IL1RAP: variants seen among roughly 807,000 people sequenced by gnomAD.
IL1RAP encodes the protein interleukin 1 receptor accessory protein, also known as interleukin-1 receptor accessory protein.
In IL1RAP, 35 loss-of-function variants were observed where a neutral mutation model predicts 60.7. The ratio of observed to expected loss-of-function variants is 0.58; its 90% CI spans 0.44 to 0.76. The LOEUF (loss-of-function observed/expected upper bound fraction) is 0.76. Ranked by LOEUF, IL1RAP falls within the 30% of genes least tolerant of loss-of-function variation. The pLI, the probability that IL1RAP is intolerant of heterozygous loss-of-function variation, is 0.00. For missense variants in IL1RAP, 572 were observed against 693.9 expected (o/e 0.82, Z 1.97); for synonymous variants, 268 against 250.9 (o/e 1.07, Z -0.64).
intron 3 of IL1RAP, among the ~76,000 whole-genome samples, chr3:190,581,678 C>A (rs945238053): frequency 6.6e-6 from 1 of 152,300 alleles, no homozygotes; most frequent in Non-Finnish European, 1.5e-5. Flanking sequence ...CTGGTTTTGA[C>A]GACTCTAAAT....
At position 190,572,863 on chromosome 3, in the gene IL1RAP, T is replaced by G. The variant is rs1177801406; in HGVS notation, c.64+8510T>G. Among the ~76,000 whole-genome samples the G allele has an allele frequency of 1.8e-4, 5 of 27,668 alleles. 2 individuals carry two copies. The highest frequency in any genetic ancestry group is 3.8e-4 in the African/African-American group (2 of 5,294). 18.2% of individuals were successfully genotyped at this position (27,668 alleles called of 152,430 possible). A position where few individuals can be genotyped will look rare whatever the true frequency, so the allele number is the denominator to read the frequency against. On this transcript the variant is annotated intron_variant, in intron 3 of 11. Transcript: ENST00000447382. ...CATGTCCAGGGTTAATGCTTTGTTT[T>G]TTTTTTTTTTTTTTTTTTGAGACGG...
intron 1 of IL1RAP, among the ~76,000 whole-genome samples, chr3:190,542,925 G>A (rs2108567615): frequency 7.4e-6 from 1 of 135,772 alleles, no homozygotes; most frequent in East Asian, 2.2e-4. Flanking sequence ...GCTCAGGGGA[G>A]TTCACCCTAG....
intron 3 of IL1RAP, among the ~76,000 whole-genome samples, chr3:190,577,019 T>G (rs371949863): frequency 3.4e-4 from 49 of 143,810 alleles, no homozygotes; most frequent in Non-Finnish European, 4.8e-4. Context: ...GAGAATGGCG[T>G]GAACCCGGGA....
chr3:190,651,361 ACAT>A lies in IL1RAP; in HGVS notation c.*2660_*2662del. 2.3e-6 allele frequency: 2 copies of A among 866,102 alleles called. No homozygotes were observed. Among genetic ancestry groups the A allele is most frequent in the South Asian group, 1.1e-4 (2 of 18,754 alleles). 53.7% of individuals were successfully genotyped at this position (866,102 alleles called of 1,614,324 possible). On this transcript the variant is annotated 3_prime_UTR_variant, in exon 12 of 12. Coordinates refer to ENST00000447382, the MANE Select transcript of IL1RAP (RefSeq NM_002182.4). ...CACTTCATTGTATTTGGAAACAAAA[ACAT>A]CATTCATTAATTACTTATTTTCTTT...
intron 10 of IL1RAP, 51 bp from the exon 11 acceptor site, chr3:190,645,648 G>A (rs1733962768): frequency 7.1e-7 from 1 of 1,414,334 alleles, no homozygotes; most frequent in East Asian, 2.3e-5. Context: ...AAAATGTAAT[G>A]GTATTGAGAA....
At chr3:190,553,659 G>A (rs1158271007) in intron 1 of IL1RAP, among the ~76,000 whole-genome samples, 3 of 152,212 alleles carry the variant, frequency 2.0e-5, no homozygotes, top group Admixed American at 6.5e-5. Context: ...AAAAGGCCAA[G>A]GAAAGGCTGG....
Position 190,588,643 on chromosome 3 carries a change from C to T in IL1RAP, c.65-15485C>T, listed in dbSNP as rs146325135. Reference sequence around the variant, plus strand: ...CTTCAAATGACTGTGAGTTATTTTCCTGGTCTTTCATCTATTTTTCTAAAT... The same window carrying T: ...CTTCAAATGACTGTGAGTTATTTTCTTGGTCTTTCATCTATTTTTCTAAAT... On this transcript the variant is annotated intron_variant, in intron 3 of 11. Transcript: ENST00000447382. 4.5e-3 allele frequency among the ~76,000 whole-genome samples: 680 copies of T among 152,272 alleles called. 7 individuals are homozygous for T. The highest frequency in any genetic ancestry group is 0.016 in the African/African-American group (654 of 41,558).
intron 4 of IL1RAP, among the ~76,000 whole-genome samples, chr3:190,607,785 G>A (rs933073330): frequency 6.6e-6 from 1 of 152,160 alleles, no homozygotes; most frequent in Non-Finnish European, 1.5e-5. Context: ...AACTTGGAAT[G>A]ATTGTACCAC....
intron 1 of IL1RAP, among the ~76,000 whole-genome samples, chr3:190,554,270 A>G (rs1339934059): frequency 6.6e-6 from 1 of 150,682 alleles, no homozygotes; most frequent in Non-Finnish European, 1.5e-5. Context: ...GGCAAAAAGG[A>G]AAAAAAAAGG....
chr3:190,590,507 G>A (rs1443550274), intron 3 of IL1RAP, among the ~76,000 whole-genome samples: 2 of 152,096 alleles, frequency 1.3e-5, no homozygotes, highest in Middle Eastern at 3.4e-3. Flanking sequence ...TGCCCGCCTC[G>A]GCCTCCCAAA....
At chr3:190,634,555 T>G (rs1439118220) in intron 9 of IL1RAP, among the ~76,000 whole-genome samples, 1 of 152,152 alleles carries the variant, frequency 6.6e-6, no homozygotes, top group African/African-American at 2.4e-5. Flanking sequence ...ATTCTTTTCT[T>G]GTAATGCTGT....
At chr3:190,615,745 C>CT (rs1027733499) in intron 5 of IL1RAP, among the ~76,000 whole-genome samples, 3 of 152,188 alleles carry the variant, frequency 2.0e-5, no homozygotes, top group African/African-American at 7.2e-5. Context: ...TTTTTTATAA[C>CT]TATCTCTTAG....
intron 1 of IL1RAP, among the ~76,000 whole-genome samples, chr3:190,527,826 T>TACACACACACACACACAC (rs10602405): frequency 1.4e-5 from 2 of 139,622 alleles, no homozygotes; most frequent in Non-Finnish European, 3.1e-5. Flanking sequence ...AGGAAAGGTC[T>TACACACACACACACACAC]ACACACACAC....
At chr3:190,620,956 A>G (rs1731725844) in intron 6 of IL1RAP, among the ~76,000 whole-genome samples, 1 of 152,198 alleles carries the variant, frequency 6.6e-6, no homozygotes, top group African/African-American at 2.4e-5. Context: ...TGCTGGCAAT[A>G]ATGTTCAACC....
intron 10 of IL1RAP, 48 bp from the exon 11 acceptor site, chr3:190,645,651 A>T: frequency 6.9e-7 from 1 of 1,445,850 alleles, no homozygotes; most frequent in South Asian, 1.2e-5. Context: ...ATGTAATGGT[A>T]TTGAGAAACT....
intron 2 of IL1RAP, among the ~76,000 whole-genome samples, chr3:190,559,089 C>G (rs1316568845): frequency 6.6e-6 from 1 of 151,992 alleles, no homozygotes; most frequent in Non-Finnish European, 1.5e-5. Context: ...CTATTCAGGT[C>G]GTCTGTTTCA....
chr3:190,590,588 G>A (rs1002133344), intron 3 of IL1RAP, among the ~76,000 whole-genome samples: 1 of 152,176 alleles, frequency 6.6e-6, no homozygotes, highest in African/African-American at 2.4e-5. Flanking sequence ...ACACTTATGG[G>A]CAGCGATGCC....
chr3:190,588,314 A>G lies in IL1RAP; in HGVS notation c.65-15814A>G, dbSNP rs752167788. Among the ~76,000 whole-genome samples the G allele has an allele frequency of 2.6e-5, 4 of 152,296 alleles. No individual in the cohort carries two copies. The East Asian group carries it at 7.7e-4, about 29-fold the overall frequency. Reference sequence around the variant, plus strand: ...TTTTTAGTAGAGATGGAGTTTCACCATGTTGGCCAGGTTGGTCTTGATCTC... The same window carrying G: ...TTTTTAGTAGAGATGGAGTTTCACCGTGTTGGCCAGGTTGGTCTTGATCTC... On this transcript the variant is annotated intron_variant, in intron 3 of 11. Transcript: ENST00000447382.
chr3:190,557,334 T>G (rs906944406), intron 2 of IL1RAP, among the ~76,000 whole-genome samples: 2 of 152,220 alleles, frequency 1.3e-5, no homozygotes, highest in Non-Finnish European at 2.9e-5. Flanking sequence ...CCACAGAGCA[T>G]GTTGCTATTC....
Sources: gnomAD v4.1 joint callset for allele counts (sites outside exome capture counted in the v4.1 genomes callset) on GRCh38, gnomAD v4.1.1 for gene constraint, MANE v1.5 for transcripts, NCBI Gene and HGNC (gene_info 2026-07-23, HGNC 2026-07-21) for gene names.